Variants in ARMH3 observed in about 807,000 individuals in gnomAD.
ARMH3 encodes armadillo-like helical domain-containing protein 3.
In ARMH3, 60 loss-of-function variants were observed where a neutral mutation model predicts 99.1. The ratio of observed to expected loss-of-function variants is 0.61; its 90% confidence interval spans 0.49 to 0.75. The LOEUF (loss-of-function observed/expected upper bound fraction) is 0.75. Among genes scored for constraint, ARMH3 ranks in the 30% least tolerant of loss-of-function variants. ARMH3 has a pLI of 0.00. For missense variants in ARMH3, 679 were observed against 843.1 expected (o/e 0.81, Z 2.41); for synonymous variants, 285 against 292.8 (o/e 0.97, Z 0.27).
At chr10:101,890,297 G>A (rs2067657788) in intron 23 of ARMH3, among the ~76,000 whole-genome samples, 1 of 151,770 alleles carries the variant, frequency 6.6e-6, no homozygotes, top group Non-Finnish European at 1.5e-5. Context: ...AGTCTGGAAT[G>A]CAGTGGCACA....
chr10:101,885,193 T>C, intron 24 of ARMH3, among the ~76,000 whole-genome samples: 1 of 151,768 alleles, frequency 6.6e-6, no homozygotes, highest in East Asian at 1.9e-4. Context: ...GGATGTAAAA[T>C]GGTACAGCCA....
chr10:101,955,243 C>G (rs894445439), intron 22 of ARMH3, among the ~76,000 whole-genome samples: 1 of 152,206 alleles, frequency 6.6e-6, no homozygotes, highest in Non-Finnish European at 1.5e-5. Context: ...GCATGGGCAA[C>G]TGACTTGATG....
At chr10:101,914,374 G>C (rs1432136634) in intron 23 of ARMH3, among the ~76,000 whole-genome samples, 3 of 151,224 alleles carry the variant, frequency 2.0e-5, no homozygotes, top group Admixed American at 1.3e-4. Flanking sequence ...TGTAATCCCA[G>C]CTACTCGGGA....
intron 23 of ARMH3, among the ~76,000 whole-genome samples, chr10:101,916,156 A>C (rs1843079372): frequency 6.6e-6 from 1 of 152,116 alleles, no homozygotes; most frequent in Non-Finnish European, 1.5e-5. Flanking sequence ...AGACAGAAGA[A>C]ATAACAAAGC....
intron 8 of ARMH3, among the ~76,000 whole-genome samples, chr10:102,014,603 T>C (rs1354104704): frequency 6.6e-6 from 1 of 152,144 alleles, no homozygotes; most frequent in African/African-American, 2.4e-5. Flanking sequence ...TTTATGGAGA[T>C]CTGATACCCA....
At chr10:101,948,825 T>G (rs947026777) in intron 22 of ARMH3, among the ~76,000 whole-genome samples, 1 of 151,802 alleles carries the variant, frequency 6.6e-6, no homozygotes, top group Non-Finnish European at 1.5e-5. Flanking sequence ...TTTACCAAGA[T>G]AGACCATACT....
intron 13 of ARMH3, 33 bp downstream of exon 13, chr10:102,009,341 G>GA (rs1173325926): frequency 7.6e-6 from 12 of 1,578,524 alleles, no homozygotes; most frequent in East Asian, 2.2e-5. Context: ...AATTTAGAGA[G>GA]AAAAAAACAC....
At chr10:102,015,821 T>C (rs2066736615) in intron 8 of ARMH3, among the ~76,000 whole-genome samples, 1 of 152,240 alleles carries the variant, frequency 6.6e-6, no homozygotes, top group African/African-American at 2.4e-5. Context: ...AATGAGGATA[T>C]AGATTGAGTA....
chr10:102,023,826 T>A (rs1373142394), intron 6 of ARMH3, 77 bp from the exon 7 acceptor site: 5 of 1,307,688 alleles, frequency 3.8e-6, no homozygotes, highest in Non-Finnish European at 5.4e-6. Context: ...CCCTAACATC[T>A]AAGAGAAACA....
chr10:101,847,450 C>T lies in ARMH3; in HGVS notation c.*78G>A. The T allele has an allele frequency of 1.4e-6, 2 of 1,438,038 alleles. No individual in the cohort carries two copies. The highest frequency in any genetic ancestry group is 2.0e-6 in the Non-Finnish European group (2 of 1,022,734). 89.1% of individuals were successfully genotyped at this position (1,438,038 alleles called of 1,614,324 possible). A position where few individuals can be genotyped will look rare whatever the true frequency, so the allele number is the denominator to read the frequency against. ...TTTCTCTCCAACCTCGGGGGCAGCCCCCTCTCCCCTCGCTCCCCCTCCAGC... is the reference window on the plus strand; with the variant it reads ...TTTCTCTCCAACCTCGGGGGCAGCCTCCTCTCCCCTCGCTCCCCCTCCAGC... On this transcript the variant is annotated 3_prime_UTR_variant, in exon 26 of 26. Transcript: ENST00000370033.
chr10:101,919,239 CCTTT>C (rs1316232391), intron 23 of ARMH3, among the ~76,000 whole-genome samples: 5 of 152,138 alleles, frequency 3.3e-5, no homozygotes, highest in African/African-American at 9.7e-5. Flanking sequence ...TCCGTCCCTT[CCTTT>C]CTTTTTGTCT....
At chr10:102,039,507 C>G (rs2067357920) in intron 2 of ARMH3, among the ~76,000 whole-genome samples, 1 of 152,132 alleles carries the variant, frequency 6.6e-6, no homozygotes, top group Admixed American at 6.5e-5. Flanking sequence ...AAAGAAATCC[C>G]CCACCCAATT....
intron 8 of ARMH3, among the ~76,000 whole-genome samples, chr10:102,020,317 T>C (rs1317403946): frequency 6.6e-6 from 1 of 151,848 alleles, no homozygotes; most frequent in Non-Finnish European, 1.5e-5. Flanking sequence ...GGCAGATCAC[T>C]TGAGGTCAGT....
At position 101,847,527 on chromosome 10, in the gene ARMH3, C is replaced by T. The variant is rs776347760; in HGVS notation, c.*1G>A. ...CAGAGGCTGCTCAGGTAGGCGTGGC[C>T]TCAGGAGATAGTGGAGAACTCCTTG... is the stretch of plus-strand genomic sequence containing the variant. On this transcript the variant is annotated 3_prime_UTR_variant, in exon 26 of 26. Transcript: ENST00000370033. 9.9e-6 allele frequency: 16 copies of T among 1,613,974 alleles called. No homozygotes were observed. The East Asian group carries it at 2.9e-4, about 29-fold the overall frequency.
chr10:102,043,486 T>C (rs1416452092), intron 1 of ARMH3, among the ~76,000 whole-genome samples: 4 of 152,198 alleles, frequency 2.6e-5, no homozygotes, highest in African/African-American at 7.2e-5. Context: ...GCTCATAATC[T>C]ACTGGCACAG....
intron 24 of ARMH3, among the ~76,000 whole-genome samples, chr10:101,877,378 T>A (rs2067295527): frequency 6.6e-6 from 1 of 152,130 alleles, no homozygotes; most frequent in Admixed American, 6.5e-5. Flanking sequence ...AAAATTTTTT[T>A]AGGCTGGGTG....
chr10:102,015,626 G>T (rs890325998), intron 8 of ARMH3, among the ~76,000 whole-genome samples: 3 of 152,156 alleles, frequency 2.0e-5, no homozygotes, highest in African/African-American at 7.2e-5. Flanking sequence ...CTGACCTCAG[G>T]TGGTCCGCCT....
chr10:102,033,530 C>T (rs964633200), intron 2 of ARMH3, 191 bp from the exon 3 acceptor site: 20 of 552,626 alleles, frequency 3.6e-5, no homozygotes, highest in East Asian at 1.3e-4. Context: ...GCCATTCCCC[C>T]GCCTCAGCCT....
At chr10:102,009,869 G>C (rs2066592306) in intron 12 of ARMH3, 108 bp downstream of exon 12, 1 of 1,110,280 alleles carries the variant, frequency 9.0e-7, no homozygotes, top group Admixed American at 2.4e-5. Context: ...CACCAAAAAA[G>C]TATGATTCTG....
Sources: gnomAD v4.1 joint callset for allele counts (sites outside exome capture counted in the v4.1 genomes callset) on GRCh38, gnomAD v4.1.1 for gene constraint, MANE v1.5 for transcripts, NCBI Gene and HGNC (gene_info 2026-07-23, HGNC 2026-07-21) for gene names.